TRABD2B: variants seen among roughly 807,000 people sequenced by gnomAD.
The protein encoded by TRABD2B is TraB domain containing 2B, also known as metalloprotease TIKI2.
A neutral mutation model predicts 40.1 loss-of-function variants in TRABD2B; 14 were observed. That is an observed-to-expected ratio of 0.35 (90% confidence interval 0.23 to 0.55). TRABD2B has a LOEUF of 0.55. TRABD2B is among the 20% of genes least tolerant of loss of function. The pLI, the probability that TRABD2B is intolerant of heterozygous loss-of-function variation, is 0.90. For synonymous variants in TRABD2B, 263 were observed against 277.0 expected (o/e 0.95, Z 0.50); for missense variants, 541 against 648.6 (o/e 0.83, Z 1.80).
intron 2 of TRABD2B, among the ~76,000 whole-genome samples, chr1:47,839,264 G>A (rs1242796420): frequency 3.9e-5 from 6 of 152,056 alleles, no homozygotes; most frequent in Non-Finnish European, 7.4e-5. Context: ...ACACACACCC[G>A]TGAGCAAGCA....
At chr1:47,965,675 G>A (rs928870180) in intron 2 of TRABD2B, among the ~76,000 whole-genome samples, 2 of 152,172 alleles carry the variant, frequency 1.3e-5, no homozygotes, top group Non-Finnish European at 2.9e-5. Context: ...TCCCACTTCA[G>A]TACATGGGGA....
At chr1:47,905,696 TTCTC>T (rs530689511) in intron 2 of TRABD2B, among the ~76,000 whole-genome samples, 4 of 151,916 alleles carry the variant, frequency 2.6e-5, no homozygotes, top group African/African-American at 9.7e-5. Context: ...CTCTGCCTCC[TTCTC>T]TCTCTCTCTC....
chr1:47,947,713 G>A (rs1186358984), intron 2 of TRABD2B, among the ~76,000 whole-genome samples: 1 of 149,694 alleles, frequency 6.7e-6, no homozygotes, highest in Non-Finnish European at 1.5e-5. Context: ...AGATTTTCCA[G>A]TGTCATGACG....
chr1:47,958,552 G>A (rs1344173095), intron 2 of TRABD2B, among the ~76,000 whole-genome samples: 1 of 140,508 alleles, frequency 7.1e-6, no homozygotes, highest in South Asian at 2.5e-4. Flanking sequence ...AAAAGCAGGG[G>A]TTGCAATCCT....
At chr1:47,932,665 G>A (rs1645054993) in intron 2 of TRABD2B, among the ~76,000 whole-genome samples, 1 of 152,174 alleles carries the variant, frequency 6.6e-6, no homozygotes, top group Admixed American at 6.5e-5. Flanking sequence ...ACAAGCGGGT[G>A]TAATTTATCC....
At chr1:47,822,778 C>T (rs1007663761) in intron 2 of TRABD2B, among the ~76,000 whole-genome samples, 3 of 152,182 alleles carry the variant, frequency 2.0e-5, no homozygotes, top group African/African-American at 7.2e-5. Flanking sequence ...TCCCAAGATG[C>T]CTTTACATTT....
chr1:47,784,535 TCTC>T (rs1475067713), intron 4 of TRABD2B, among the ~76,000 whole-genome samples: 1 of 152,168 alleles, frequency 6.6e-6, no homozygotes, highest in Non-Finnish European at 1.5e-5. Flanking sequence ...TTTCCAGTTT[TCTC>T]CTCCTGGAAG....
intron 2 of TRABD2B, among the ~76,000 whole-genome samples, chr1:47,846,598 G>A (rs185544490): frequency 6.6e-6 from 1 of 152,258 alleles, no homozygotes; most frequent in East Asian, 1.9e-4. Context: ...ATGAAACATA[G>A]AGGCCAGGTC....
At chr1:47,985,143 C>T (rs979493571) in intron 2 of TRABD2B, among the ~76,000 whole-genome samples, 1 of 152,188 alleles carries the variant, frequency 6.6e-6, no homozygotes, top group Non-Finnish European at 1.5e-5. Context: ...TATGTAACTA[C>T]CCCAAGGTTA....
intron 2 of TRABD2B, among the ~76,000 whole-genome samples, chr1:47,966,245 T>C (rs981550084): frequency 2.0e-5 from 3 of 151,888 alleles, no homozygotes; most frequent in African/African-American, 7.3e-5. Context: ...CACTGACCCA[T>C]GTAGCCCAGA....
At chr1:47,872,257 T>G (rs909212700) in intron 2 of TRABD2B, among the ~76,000 whole-genome samples, 5 of 152,186 alleles carry the variant, frequency 3.3e-5, no homozygotes, top group African/African-American at 1.2e-4. Context: ...AGGATAACAT[T>G]CCACTCCCTT....
intron 2 of TRABD2B, among the ~76,000 whole-genome samples, chr1:47,808,291 C>CGT (rs57152316): frequency 0.014 from 2,053 of 150,532 alleles, 22 homozygotes; most frequent in South Asian, 0.029. Context: ...ACCAACACTA[C>CGT]GTGTGTGTGT....
chr1:47,784,237 C>T (rs1644564629), intron 4 of TRABD2B, among the ~76,000 whole-genome samples: 1 of 152,198 alleles, frequency 6.6e-6, no homozygotes. Flanking sequence ...ACTGCATGTC[C>T]TACTACACCC....
intron 2 of TRABD2B, among the ~76,000 whole-genome samples, chr1:47,968,539 C>T (rs536444932): frequency 3.3e-5 from 5 of 152,296 alleles, no homozygotes; most frequent in Admixed American, 3.3e-4. Flanking sequence ...CACACTTTGG[C>T]ATGCACATGC....
chr1:47,815,338 T>TAAC (rs1466569688), intron 2 of TRABD2B, among the ~76,000 whole-genome samples: 1 of 152,156 alleles, frequency 6.6e-6, no homozygotes, highest in Non-Finnish European at 1.5e-5. Flanking sequence ...GGGCGGGCTG[T>TAAC]ATGTGAGGCG....
At chr1:47,917,485 C>T (rs1003576750) in intron 2 of TRABD2B, among the ~76,000 whole-genome samples, 1 of 152,078 alleles carries the variant, frequency 6.6e-6, no homozygotes, top group Non-Finnish European at 1.5e-5. Flanking sequence ...CTCTGAGAGG[C>T]CAAGGTGGGA....
At chr1:47,849,780 G>A (rs548617883) in intron 2 of TRABD2B, among the ~76,000 whole-genome samples, 7 of 152,342 alleles carry the variant, frequency 4.6e-5, no homozygotes, top group South Asian at 2.1e-4. Flanking sequence ...GAAGGCCAAC[G>A]TGGCTCCCGC....
chr1:47,800,534 G>A (rs780436789), intron 3 of TRABD2B, among the ~76,000 whole-genome samples: 7 of 152,174 alleles, frequency 4.6e-5, no homozygotes, highest in Non-Finnish European at 1.0e-4. Context: ...AGAGCATGGG[G>A]GCCATGCAGG....
chr1:47,954,214 T>C (rs891033311), intron 2 of TRABD2B, among the ~76,000 whole-genome samples: 1 of 152,036 alleles, frequency 6.6e-6, no homozygotes, highest in Non-Finnish European at 1.5e-5. Flanking sequence ...GTGTGGGGTA[T>C]GTTCCCCAAA....
Sources: gnomAD v4.1 joint callset for allele counts (sites outside exome capture counted in the v4.1 genomes callset) on GRCh38, gnomAD v4.1.1 for gene constraint, MANE v1.5 for transcripts, NCBI Gene and HGNC (gene_info 2026-07-23, HGNC 2026-07-21) for gene names.